ATXN10: variants seen among roughly 807,000 people sequenced by gnomAD.
ATXN10 encodes the protein ataxin-10.
Under a neutral mutation model 52.9 loss-of-function variants are expected in ATXN10, and 28 were observed. The observed-to-expected ratio is 0.53, with a 90% CI of 0.39 to 0.73. ATXN10 has a LOEUF of 0.73. Among genes scored for constraint, ATXN10 ranks in the 30% least tolerant of loss-of-function variants. The pLI is 0.00. For synonymous variants in ATXN10, 226 were observed against 221.5 expected (o/e 1.02, Z -0.18); for missense variants, 565 against 577.0 (o/e 0.98, Z 0.21).
Position 45,672,000 on chromosome 22 carries a change from C to T in ATXN10, c.-64C>T. On this transcript the variant is annotated 5_prime_UTR_variant, in exon 1 of 12. Coordinates refer to ENST00000252934, the MANE Select transcript of ATXN10 (RefSeq NM_013236.4). ...ATCCTACTCCTCCCTCCTCGTCATC[C>T]TCCCCCTTCGTCCTCCTCGCCTTCC... 2 of 1,510,406 alleles carry T rather than the reference C, an allele frequency of 1.3e-6. No homozygotes were observed. The highest frequency in any genetic ancestry group is 1.4e-5 in the African/African-American group (1 of 71,994). The allele number at this position is 1,510,406 out of a possible 1,614,324, so 93.6% of individuals were successfully genotyped here.
chr22:45,704,721 G>C (rs1923972797), intron 5 of ATXN10, among the ~76,000 whole-genome samples: 1 of 152,138 alleles, frequency 6.6e-6, no homozygotes, highest in South Asian at 2.1e-4. Flanking sequence ...CGTGCCATCT[G>C]CAAGTAGGTA....
chr22:45,753,938 A>G (rs1225605775), intron 9 of ATXN10, among the ~76,000 whole-genome samples: 1 of 152,154 alleles, frequency 6.6e-6, no homozygotes, highest in African/African-American at 2.4e-5. Context: ...GCCCTTTGTA[A>G]GCCAAAAGCC....
rs117845819 is a variant in ATXN10 at position 45,837,824 on chromosome 22, T to C, written c.1238-5167T>C. Among the ~76,000 whole-genome samples the C allele has an allele frequency of 8.7e-3, 1,322 of 152,356 alleles. 12 individuals are homozygous for C. The highest frequency in any genetic ancestry group is 0.014 in the South Asian group (67 of 4,822). ...CAAATTTTCATGTGCCAGAAATCAG[T>C]ATTCTTTAGATTTTTTTCCAATCAT... On this transcript the variant is annotated intron_variant, in intron 10 of 11. Transcript: ENST00000252934. The surrounding 1 kb of genome is among the most constrained non-coding windows in gnomAD (Gnocchi z 5.8).
chr22:45,735,201 T>A (rs1263324549), intron 7 of ATXN10, among the ~76,000 whole-genome samples: 1 of 152,116 alleles, frequency 6.6e-6, no homozygotes, highest in Non-Finnish European at 1.5e-5. Flanking sequence ...AATATAAACA[T>A]TTAATATACA....
chr22:45,771,379 G>A (rs867373645), intron 9 of ATXN10, among the ~76,000 whole-genome samples: 3 of 145,408 alleles, frequency 2.1e-5, no homozygotes, highest in East Asian at 2.0e-4. Context: ...GATGTTGGAC[G>A]TTTTTTCATA....
chr22:45,680,840 T>C (rs1922892706), intron 1 of ATXN10, among the ~76,000 whole-genome samples: 6 of 152,100 alleles, frequency 3.9e-5, no homozygotes, highest in Admixed American at 3.9e-4. Context: ...CTCAGCAAAA[T>C]TCCCTGTATC....
rs919822922 is a variant in ATXN10 at position 45,835,663 on chromosome 22, A to G, written c.1238-7328A>G. On this transcript the variant is annotated intron_variant, in intron 10 of 11. Coordinates refer to ENST00000252934, the MANE Select transcript of ATXN10 (RefSeq NM_013236.4). This position sits in a 1 kb window ranked among gnomAD's most constrained non-coding sequence, Gnocchi z 5.0. ...TGTACCACTTCCCTTACGGCCTAGA[A>G]GCCGATTAGCAGCCTCAGCTTTCAG... is the stretch of plus-strand genomic sequence containing the variant. Among the ~76,000 whole-genome samples, 4 of 152,240 alleles carry G rather than the reference A, an allele frequency of 2.6e-5. No homozygotes were observed. Among genetic ancestry groups the G allele is most frequent in the Admixed American group, 1.3e-4 (2 of 15,288 alleles).
At chr22:45,813,500 AT>A (rs1257119391) in intron 10 of ATXN10, among the ~76,000 whole-genome samples, 1 of 150,676 alleles carries the variant, frequency 6.6e-6, no homozygotes, top group Non-Finnish European at 1.5e-5. Flanking sequence ...AGAAAACAAA[AT>A]TCACTTCTGT....
Position 45,765,303 on chromosome 22 carries a change from C to T in ATXN10, c.1173+24765C>T, listed in dbSNP as rs1443644645. 2.6e-5 allele frequency among the ~76,000 whole-genome samples: 4 copies of T among 152,096 alleles called. No homozygotes were observed. The East Asian group carries it at 7.7e-4, about 29-fold the overall frequency. On this transcript the variant is annotated intron_variant, in intron 9 of 11. Transcript: ENST00000252934. ...TACAGAGAGGCTGTGAGGAGCAAGA[C>T]AAGTCTGAAAGCCACCAAGAGGGAG...
At chr22:45,797,461 C>T (rs1446297129) in intron 9 of ATXN10, among the ~76,000 whole-genome samples, 1 of 152,218 alleles carries the variant, frequency 6.6e-6, no homozygotes, top group Non-Finnish European at 1.5e-5. Context: ...AAATAACCCA[C>T]ATGTCATAGA....
In ATXN10 at chr22:45,771,441, G is replaced by A. The variant is rs181020051; in HGVS notation, c.1173+30903G>A. Among the ~76,000 whole-genome samples the A allele has an allele frequency of 3.0e-3, 438 of 145,470 alleles. 2 individuals are homozygous for A. Among genetic ancestry groups the A allele is most frequent in the African/African-American group, 0.011 (423 of 38,954 alleles). The stretch of plus-strand genomic sequence containing the variant: ...TTTTTTTTTTTTTTTTCTTGAGATG[G>A]AGTCTTGCTCTGTTGCCCAGGCTGG... On this transcript the variant is annotated intron_variant, in intron 9 of 11. Coordinates refer to ENST00000252934, the MANE Select transcript of ATXN10 (RefSeq NM_013236.4).
chr22:45,805,041 T>G lies in ATXN10; in HGVS notation c.1174-1918T>G, dbSNP rs2146882633. 6.6e-6 allele frequency among the ~76,000 whole-genome samples: 1 copy of G among 152,284 alleles called. No homozygotes were observed. On this transcript the variant is annotated intron_variant, in intron 9 of 11. Transcript: ENST00000252934. This position sits in a 1 kb window ranked among gnomAD's most constrained non-coding sequence, Gnocchi z 4.4. ...ACAGCCATATAGCAGTCTACTGTGTTTGTACCGTAGTTTATGTAAGCAACC... is the reference window on the plus strand; with the variant it reads ...ACAGCCATATAGCAGTCTACTGTGTGTGTACCGTAGTTTATGTAAGCAACC...
At chr22:45,811,139 ATTTTCT>A (rs1413206892) in intron 10 of ATXN10, among the ~76,000 whole-genome samples, 4 of 152,066 alleles carry the variant, frequency 2.6e-5, no homozygotes, top group Non-Finnish European at 5.9e-5. Flanking sequence ...GATTCATCTA[ATTTTCT>A]TTTTCATTAC....
chr22:45,691,937 A>T (rs952152037), intron 2 of ATXN10, among the ~76,000 whole-genome samples: 4 of 151,986 alleles, frequency 2.6e-5, no homozygotes, highest in African/African-American at 9.7e-5. Flanking sequence ...AGCCTTACAC[A>T]CTGGTCTTGT....
rs1927670514 is a variant in ATXN10, at chr22:45,795,303, ATATAT to A, written c.1174-11653_1174-11649del. Among the ~76,000 whole-genome samples, 1 of 152,236 alleles carries A rather than the reference ATATAT, an allele frequency of 6.6e-6. No homozygotes were observed. The highest frequency in any genetic ancestry group is 2.4e-5 in the African/African-American group (1 of 41,466). ...ATGATAAACTCAATCATGTTGATAA[ATATAT>A]TAAATGTAAATGGCTTAAATATCCA... On this transcript the variant is annotated intron_variant, in intron 9 of 11. Coordinates refer to ENST00000252934, the MANE Select transcript of ATXN10 (RefSeq NM_013236.4). The surrounding 1 kb of genome is among the most constrained non-coding windows in gnomAD (Gnocchi z 4.6).
chr22:45,696,758 T>A lies in ATXN10; in HGVS notation c.392-3524T>A, dbSNP rs1923624013. On this transcript the variant is annotated intron_variant, in intron 3 of 11. Transcript: ENST00000252934. This position sits in a 1 kb window ranked among gnomAD's most constrained non-coding sequence, Gnocchi z 4.7. ...AAAGATGTATTTAGTTTTTACAATA[T>A]ATGGTAAAAGATTATTTCATCCTTC... Among the ~76,000 whole-genome samples, 1 of 152,262 alleles carries A rather than the reference T, an allele frequency of 6.6e-6. No individual in the cohort carries two copies. Among genetic ancestry groups the A allele is most frequent in the Non-Finnish European group, 1.5e-5 (1 of 68,044 alleles).
chr22:45,687,908 T>G (rs757090448), intron 1 of ATXN10, among the ~76,000 whole-genome samples: 8 of 152,010 alleles, frequency 5.3e-5, no homozygotes, highest in Admixed American at 5.2e-4. Context: ...AATACAAAAA[T>G]TAGCCGGGCG....
rs1328768712 is a variant in ATXN10, at chr22:45,805,488, A to T, written c.1174-1471A>T. Among the ~76,000 whole-genome samples the T allele has an allele frequency of 2.6e-5, 4 of 152,366 alleles. No individual in the cohort carries two copies. The highest frequency in any genetic ancestry group is 9.6e-5 in the African/African-American group (4 of 41,574). ...GGTGAATGGAAAAATGCAATGTGGCATATCCGTACAATGCACTGTTCACGT... is the reference window on the plus strand; with the variant it reads ...GGTGAATGGAAAAATGCAATGTGGCTTATCCGTACAATGCACTGTTCACGT... On this transcript the variant is annotated intron_variant, in intron 9 of 11. Transcript: ENST00000252934. The surrounding 1 kb of genome is among the most constrained non-coding windows in gnomAD (Gnocchi z 4.4).
intron 6 of ATXN10, among the ~76,000 whole-genome samples, chr22:45,725,502 G>T (rs1290295286): frequency 1.3e-5 from 2 of 150,396 alleles, no homozygotes; most frequent in East Asian, 3.9e-4. Flanking sequence ...ACTGATTTGT[G>T]TACATTGATT....
Sources: allele counts gnomAD v4.1 joint callset (sites outside exome capture counted in the v4.1 genomes callset), GRCh38; gene constraint gnomAD v4.1.1; non-coding constraint Gnocchi (gnomAD v3.1); transcripts MANE v1.5; gene names NCBI Gene and HGNC (gene_info 2026-07-23, HGNC 2026-07-21).